Variants in PCDHGA4 observed in about 807,000 individuals in gnomAD.
The protein encoded by PCDHGA4 is protocadherin gamma subfamily A, 4, also known as protocadherin gamma-A4.
PCDHGA4 carries 38 observed loss-of-function variants against 54.6 expected under a neutral mutation model. The ratio of observed to expected loss-of-function variants is 0.70; its 90% CI spans 0.54 to 0.91. The LOEUF (loss-of-function observed/expected upper bound fraction) is 0.91, where lower values mean the gene tolerates loss of function less well. PCDHGA4 is among the 40% of genes least tolerant of loss of function. The pLI, the probability that PCDHGA4 is intolerant of heterozygous loss-of-function variation, is 0.00. For synonymous variants in PCDHGA4, 511 were observed against 512.9 expected, an observed-to-expected ratio of 1.00 and a Z score of 0.05; for missense variants, 1,298 against 1,220.9, an observed-to-expected ratio of 1.06 and a Z score of -0.94.
chr5:141,473,033 GGAAA>G (rs1282468299), intron 1 of PCDHGA4, among the ~76,000 whole-genome samples: 6 of 146,356 alleles, frequency 4.1e-5, no homozygotes, highest in South Asian at 2.2e-4. Flanking sequence ...AAGGAAGGAA[GGAAA>G]GAAAGAAAGA....
At chr5:141,463,581 T>TG (rs2099064477) in intron 1 of PCDHGA4, among the ~76,000 whole-genome samples, 1 of 151,502 alleles carries the variant, frequency 6.6e-6, no homozygotes, top group Non-Finnish European at 1.5e-5. Context: ...CCCGAGTAGC[T>TG]GGGACTACAG....
intron 1 of PCDHGA4, chr5:141,375,350 A>C (rs1442876922): frequency 1.2e-6 from 2 of 1,613,744 alleles, no homozygotes; most frequent in African/African-American, 1.3e-5. Context: ...CATCACTGTG[A>C]CAGCCACGGA....
At chr5:141,364,980 G>C in intron 1 of PCDHGA4, 1 of 1,613,870 alleles carries the variant, frequency 6.2e-7, no homozygotes, top group Middle Eastern at 1.6e-4. Flanking sequence ...GCTTTAGATG[G>C]CGGAGACCCG....
At chr5:141,427,495 C>A in intron 1 of PCDHGA4, 2 of 562,648 alleles carry the variant, frequency 3.6e-6, no homozygotes, top group South Asian at 1.5e-5. Flanking sequence ...AAGCTTGTAA[C>A]AGATGGGACC....
At chr5:141,419,253 A>G in intron 1 of PCDHGA4, 4 of 1,613,990 alleles carry the variant, frequency 2.5e-6, no homozygotes, top group South Asian at 1.1e-5. Flanking sequence ...CCAGAAAACA[A>G]CCAGCCGGGT....
chr5:141,384,543 G>A (rs767368247), intron 1 of PCDHGA4: 4 of 1,614,256 alleles, frequency 2.5e-6, no homozygotes, highest in South Asian at 1.1e-5. Context: ...ACATGTCACT[G>A]AGCCTGTTCG....
intron 1 of PCDHGA4, chr5:141,393,482 T>G (rs116240246): frequency 4.3e-6 from 7 of 1,614,070 alleles, no homozygotes; most frequent in Middle Eastern, 1.6e-4. Context: ...CGCCTCGCTC[T>G]AGCACAGTGC....
At chr5:141,415,043 T>G in intron 1 of PCDHGA4, 2 of 1,613,396 alleles carry the variant, frequency 1.2e-6, no homozygotes, top group Non-Finnish European at 1.7e-6. Flanking sequence ...CTCTTCGCGG[T>G]GGGGGAGCAC....
intron 1 of PCDHGA4, chr5:141,405,487 T>G (rs750718741): frequency 4.3e-6 from 4 of 924,990 alleles, no homozygotes; most frequent in Non-Finnish European, 6.4e-6. Context: ...TGGTGTGATC[T>G]CGGCTCATTG....
chr5:141,385,004 G>T, intron 1 of PCDHGA4: 1 of 1,614,140 alleles, frequency 6.2e-7, no homozygotes, highest in Non-Finnish European at 8.5e-7. Flanking sequence ...ACAGTCTCCT[G>T]CGTCTTCCTA....
At chr5:141,499,686 T>C (rs1400567357) in intron 2 of PCDHGA4, among the ~76,000 whole-genome samples, 2 of 149,346 alleles carry the variant, frequency 1.3e-5, no homozygotes, top group East Asian at 2.0e-4. Context: ...CTTTAACAGA[T>C]GACTTTTTTT....
chr5:141,409,748 G>C, intron 1 of PCDHGA4: 2 of 1,613,018 alleles, frequency 1.2e-6, no homozygotes, highest in South Asian at 2.2e-5. Context: ...GGTGGTGTTC[G>C]CGCAGCGCGC....
intron 1 of PCDHGA4, chr5:141,428,388 C>G (rs1299321513): frequency 4.0e-6 from 2 of 506,160 alleles, no homozygotes; most frequent in Non-Finnish European, 7.3e-6. Context: ...GCTCTTCCAG[C>G]CCCTCTGCCT....
Position 141,490,387 on chromosome 5 carries a change from G to C in PCDHGA4, c.2515-4420G>C. 2 of 1,614,196 alleles carry C rather than the reference G, an allele frequency of 1.2e-6. No individual in the cohort carries two copies. The highest frequency in any genetic ancestry group is 1.7e-6 in the Non-Finnish European group (2 of 1,180,034). On this transcript the variant is annotated intron_variant, in intron 1 of 3. Transcript: ENST00000571252. This position sits in a 1 kb window ranked among gnomAD's most constrained non-coding sequence, Gnocchi z 5.4. ...GCGAGACCGGGACTCAGGTAGAAATGGTGAAGTGAGCCTTGATATCTCTCC... is the reference window on the plus strand; with the variant it reads ...GCGAGACCGGGACTCAGGTAGAAATCGTGAAGTGAGCCTTGATATCTCTCC...
intron 1 of PCDHGA4, chr5:141,390,878 G>A (rs2092258677): frequency 6.5e-6 from 1 of 153,282 alleles, no homozygotes; most frequent in Non-Finnish European, 1.5e-5. Flanking sequence ...GTGTGTGTGT[G>A]TGTGTGTGTG....
Position 141,510,938 on chromosome 5 carries a change from T to A in PCDHGA4, c.2663-9T>A. 1 of 1,614,026 alleles carries A rather than the reference T, an allele frequency of 6.2e-7. No homozygotes were observed. Among genetic ancestry groups the A allele is most frequent in the Non-Finnish European group, 8.5e-7 (1 of 1,179,984 alleles). ...TTAGCTCCCACCTGATCTTCCTCTG[T>A]CTCTGCAGAAGCTGCTGATGGGAGC... On this transcript the variant is annotated splice_polypyrimidine_tract_variant and intron_variant, in intron 3 of 3. Coordinates refer to ENST00000571252, the MANE Select transcript of PCDHGA4 (RefSeq NM_018917.4).
At chr5:141,414,266 C>T in intron 1 of PCDHGA4, 1 of 1,613,254 alleles carries the variant, frequency 6.2e-7, no homozygotes, top group Non-Finnish European at 8.5e-7. Context: ...ACTGAAGATT[C>T]ACCTCTGGGA....
chr5:141,497,187 G>T (rs1475463841), intron 2 of PCDHGA4, among the ~76,000 whole-genome samples: 2 of 139,586 alleles, frequency 1.4e-5, no homozygotes, highest in Non-Finnish European at 3.0e-5. Flanking sequence ...GTTCTGAGAG[G>T]CAGAGAACAA....
chr5:141,419,420 G>C (rs774685112), intron 1 of PCDHGA4: 10 of 1,613,372 alleles, frequency 6.2e-6, no homozygotes, highest in Non-Finnish European at 7.6e-6. Flanking sequence ...GCGCGCCTTC[G>C]ACCACGAGCA....
Sources: allele counts gnomAD v4.1 joint callset (sites outside exome capture counted in the v4.1 genomes callset), GRCh38; gene constraint gnomAD v4.1.1; non-coding constraint Gnocchi (gnomAD v3.1); transcripts MANE v1.5; gene names NCBI Gene and HGNC (gene_info 2026-07-23, HGNC 2026-07-21).